The following PRKG1 variants were observed in gnomAD, a reference collection of about 807,000 sequenced individuals.
PRKG1 encodes protein kinase cGMP-dependent 1.
PRKG1 carries 35 observed loss-of-function variants against 88.1 expected under a neutral mutation model. The ratio of observed to expected loss-of-function variants is 0.40; its 90% CI spans 0.30 to 0.53. The LOEUF (loss-of-function observed/expected upper bound fraction) is 0.53, where lower values mean the gene tolerates loss of function less well. Ranked by LOEUF, PRKG1 falls within the 20% of genes least tolerant of loss-of-function variation. The probability of loss-of-function intolerance (pLI) is 0.59; values close to 1 mark genes in which losing one functional copy is unlikely to be tolerated. For missense variants in PRKG1, 540 were observed against 839.8 expected, an observed-to-expected ratio of 0.64 and a Z score of 4.41; for synonymous variants, 303 against 292.5, an observed-to-expected ratio of 1.04 and a Z score of -0.37.
At chr10:52,032,898 G>A (rs1403116814) in intron 5 of PRKG1, among the ~76,000 whole-genome samples, 2 of 152,166 alleles carry the variant, frequency 1.3e-5, no homozygotes, top group Non-Finnish European at 2.9e-5. Context: ...GTGTGTGTCT[G>A]CAGAGACATC....
At chr10:51,153,714 A>G (rs1439610609) in intron 2 of PRKG1, among the ~76,000 whole-genome samples, 1 of 152,088 alleles carries the variant, frequency 6.6e-6, no homozygotes, top group East Asian at 1.9e-4. Context: ...TCTCCCCTTA[A>G]CTTTTAATAT....
At chr10:51,413,511 C>A (rs1034099582) in intron 2 of PRKG1, among the ~76,000 whole-genome samples, 3 of 152,008 alleles carry the variant, frequency 2.0e-5, no homozygotes, top group Admixed American at 6.6e-5. Flanking sequence ...AGGCACACAC[C>A]ACCACGCCCA....
chr10:51,720,420 T>C (rs1841985145), intron 3 of PRKG1, among the ~76,000 whole-genome samples: 1 of 152,122 alleles, frequency 6.6e-6, no homozygotes, highest in African/African-American at 2.4e-5. Context: ...ATAACAATAA[T>C]AGAAGAAAAA....
At chr10:52,267,646 T>C (rs1320016788) in intron 10 of PRKG1, among the ~76,000 whole-genome samples, 5 of 152,068 alleles carry the variant, frequency 3.3e-5, no homozygotes, top group African/African-American at 1.2e-4. Context: ...TGTGTGTGTA[T>C]ATATATACAT....
intron 3 of PRKG1, among the ~76,000 whole-genome samples, chr10:51,641,150 A>T (rs1839789472): frequency 6.6e-6 from 1 of 152,216 alleles, no homozygotes; most frequent in South Asian, 2.1e-4. Context: ...GATTAAAAAA[A>T]ATTATCCTGG....
intron 3 of PRKG1, among the ~76,000 whole-genome samples, chr10:51,792,431 C>T (rs553912594): frequency 4.6e-5 from 7 of 152,184 alleles, no homozygotes; most frequent in African/African-American, 1.2e-4. Flanking sequence ...TTCCCCACTT[C>T]GTCAGTCAAT....
At chr10:51,503,914 C>A (rs1841113177) in intron 3 of PRKG1, among the ~76,000 whole-genome samples, 1 of 151,936 alleles carries the variant, frequency 6.6e-6, no homozygotes, top group Non-Finnish European at 1.5e-5. Flanking sequence ...AACAAATAAT[C>A]CAGAATTTAG....
At chr10:51,293,156 A>G (rs1465442814) in intron 2 of PRKG1, among the ~76,000 whole-genome samples, 6 of 151,996 alleles carry the variant, frequency 3.9e-5, no homozygotes, top group Non-Finnish European at 7.4e-5. Flanking sequence ...CCACAATCAG[A>G]CTAATTAACA....
intron 4 of PRKG1, among the ~76,000 whole-genome samples, chr10:51,869,050 C>A (rs962921215): frequency 1.3e-5 from 2 of 152,090 alleles, no homozygotes; most frequent in East Asian, 3.9e-4. Flanking sequence ...TTTTCTTTTA[C>A]GGACTGATTG....
intron 5 of PRKG1, among the ~76,000 whole-genome samples, chr10:51,978,413 G>A (rs1019631664): frequency 4.5e-5 from 6 of 131,980 alleles, no homozygotes; most frequent in Admixed American, 7.6e-5. Flanking sequence ...TATTTGCTTA[G>A]GATTGCCTTG....
intron 9 of PRKG1, among the ~76,000 whole-genome samples, chr10:52,166,787 C>CTATATATATATATATATATATA (rs201538311): frequency 3.6e-3 from 45 of 12,456 alleles, no homozygotes; most frequent in African/African-American, 4.4e-3. Context: ...ATAAAAAAGC[C>CTATATATATATATATATATATA]TATATATATA....
At chr10:51,091,367 A>G (rs1202077180) in intron 1 of PRKG1, among the ~76,000 whole-genome samples, 2 of 152,146 alleles carry the variant, frequency 1.3e-5, no homozygotes, top group African/African-American at 2.4e-5. Flanking sequence ...CTGGAACCCA[A>G]TTGCAGTCAG....
At chr10:51,423,884 A>G (rs1175622259) in intron 2 of PRKG1, among the ~76,000 whole-genome samples, 1 of 152,148 alleles carries the variant, frequency 6.6e-6, no homozygotes, top group Non-Finnish European at 1.5e-5. Context: ...GGGTAAAAAT[A>G]GGGCATAAAT....
At chr10:51,110,256 A>G (rs1475212191) in intron 1 of PRKG1, among the ~76,000 whole-genome samples, 2 of 152,166 alleles carry the variant, frequency 1.3e-5, no homozygotes, top group African/African-American at 2.4e-5. Flanking sequence ...TGGGGTGTCC[A>G]TAGCAGATTT....
intron 5 of PRKG1, among the ~76,000 whole-genome samples, chr10:52,043,993 G>A (rs1845809287): frequency 6.6e-6 from 1 of 151,598 alleles, no homozygotes; most frequent in African/African-American, 2.4e-5. Flanking sequence ...TTCAGGGTAA[G>A]GATTCAGATA....
rs568669232 is a variant in PRKG1, at chr10:52,088,811, GCCCAATCA to G, written c.935+26184_935+26191del. The stretch of plus-strand genomic sequence containing the variant: ...ATGTTATTAATATTACAAAAATGAT[GCCCAATCA>G]CCCTTAAATATTCCACTATGTACCA... On this transcript the variant is annotated intron_variant, in intron 7 of 17. Coordinates refer to ENST00000373980, the MANE Select transcript of PRKG1 (RefSeq NM_006258.4). Among the ~76,000 whole-genome samples, 445 of 152,198 alleles carry G rather than the reference GCCCAATCA, an allele frequency of 2.9e-3. 7 individuals carry two copies. Among genetic ancestry groups the G allele is most frequent in the Non-Finnish European group, 1.4e-3 (96 of 68,006 alleles).
chr10:51,510,702 A>G (rs544524352), intron 3 of PRKG1, among the ~76,000 whole-genome samples: 5 of 152,176 alleles, frequency 3.3e-5, no homozygotes, highest in African/African-American at 9.6e-5. Flanking sequence ...ATACTAATGA[A>G]AAAATGAGTT....
intron 3 of PRKG1, among the ~76,000 whole-genome samples, chr10:51,659,610 A>G (rs1840245365): frequency 6.6e-6 from 1 of 152,140 alleles, no homozygotes; most frequent in Admixed American, 6.6e-5. Flanking sequence ...CGTGCACAGT[A>G]TCAAGAGATG....
intron 5 of PRKG1, among the ~76,000 whole-genome samples, chr10:52,022,343 G>A (rs186050789): frequency 3.4e-4 from 52 of 152,226 alleles, no homozygotes; most frequent in African/African-American, 9.4e-4. Context: ...TCTGTATTGC[G>A]ATAGGAGTTT....
Sources: allele counts gnomAD v4.1 joint callset (sites outside exome capture counted in the v4.1 genomes callset), GRCh38; gene constraint gnomAD v4.1.1; transcripts MANE v1.5; gene names NCBI Gene and HGNC (gene_info 2026-07-23, HGNC 2026-07-21).